The following ADAMTS12 variants were observed in gnomAD, a reference collection of about 807,000 sequenced individuals.
The protein encoded by ADAMTS12 is A disintegrin and metalloproteinase with thrombospondin motifs 12.
In ADAMTS12, 118 loss-of-function variants were observed where a neutral mutation model predicts 167.8. The ratio of observed to expected loss-of-function variants is 0.70; its 90% CI spans 0.61 to 0.82. ADAMTS12 has a LOEUF of 0.82. ADAMTS12 is among the 40% of genes least tolerant of loss of function. ADAMTS12 has a pLI of 0.00. For synonymous variants in ADAMTS12, 704 were observed against 716.9 expected, an observed-to-expected ratio of 0.98 and a Z score of 0.29; for missense variants, 1,916 against 1,998.8, an observed-to-expected ratio of 0.96 and a Z score of 0.79.
At chr5:33,792,067 G>A (rs1971180) in intron 2 of ADAMTS12, among the ~76,000 whole-genome samples, 18,642 of 145,858 alleles carry the variant, frequency 0.13, 1,526 homozygotes, top group East Asian at 0.4. Context: ...GCACGATCTC[G>A]GCTCACTGCA....
chr5:33,765,507 C>T (rs1478575523), intron 2 of ADAMTS12, among the ~76,000 whole-genome samples: 3 of 152,140 alleles, frequency 2.0e-5, no homozygotes, highest in Non-Finnish European at 2.9e-5. Context: ...TTACTTCAAG[C>T]ACATTAAAAA....
rs1195671717 is a variant in ADAMTS12 at position 33,668,676 on chromosome 5, G to A, written c.916-6636C>T. Among the ~76,000 whole-genome samples, 3 of 152,274 alleles carry A rather than the reference G, an allele frequency of 2.0e-5. No homozygotes were observed. In the East Asian group the frequency reaches 5.8e-4, roughly 29 times the overall value. The stretch of plus-strand genomic sequence containing the variant: ...TTTTCTATTTTTCGGTAGAGACGGG[G>A]TTTCACCATGTTGGCCAGGCTGATC... On this transcript the variant is annotated intron_variant, in intron 5 of 23. Transcript: ENST00000504830.
intron 5 of ADAMTS12, among the ~76,000 whole-genome samples, chr5:33,667,825 G>A (rs918181805): frequency 3.3e-5 from 5 of 152,184 alleles, no homozygotes; most frequent in Admixed American, 2.6e-4. Flanking sequence ...AAGTCATTCT[G>A]TATTAATTAG....
At chr5:33,551,648 CT>C (rs1460688282) in intron 20 of ADAMTS12, among the ~76,000 whole-genome samples, 1 of 152,136 alleles carries the variant, frequency 6.6e-6, no homozygotes, top group Non-Finnish European at 1.5e-5. Flanking sequence ...TTGCTATAAT[CT>C]GTTATTCCTA....
chr5:33,561,271 C>T (rs1224937505), intron 19 of ADAMTS12, 92 bp from the exon 20 acceptor site: 40 of 1,477,098 alleles, frequency 2.7e-5, no homozygotes, highest in East Asian at 2.6e-4. Context: ...TTCTCAGTCC[C>T]GTTTGCTAAC....
intron 2 of ADAMTS12, among the ~76,000 whole-genome samples, chr5:33,858,110 A>G (rs1262713408): frequency 6.6e-6 from 1 of 152,258 alleles, no homozygotes; most frequent in African/African-American, 2.4e-5. Context: ...ACTTAAAAGA[A>G]TTGAAATAAT....
At chr5:33,550,409 A>T (rs573150348) in intron 20 of ADAMTS12, among the ~76,000 whole-genome samples, 103 of 152,254 alleles carry the variant, frequency 6.8e-4, no homozygotes, top group Non-Finnish European at 9.6e-4. Flanking sequence ...TCATGGCCAG[A>T]CCTGGCCTGA....
chr5:33,630,849 A>C lies in ADAMTS12; in HGVS notation c.1953T>G (p.Ala651=). The change falls in exon 13 of 24, where the codon GCT becomes GCG. Residue 651 remains alanine, a synonymous_variant. Transcript: ENST00000504830. ...CAAAGCAAGGGGTACCATCAATGAC[A>C]GCATCCAGCATTTTCTCAGAAAACT... ...DGQFSEKMLD[A]VIDGTPCFEG... 1 of 1,613,732 alleles carries C rather than the reference A, an allele frequency of 6.2e-7. No homozygotes were observed. Among genetic ancestry groups the C allele is most frequent in the Non-Finnish European group, 8.5e-7 (1 of 1,179,724 alleles).
At chr5:33,864,361 G>C (rs1749730131) in intron 2 of ADAMTS12, among the ~76,000 whole-genome samples, 1 of 152,200 alleles carries the variant, frequency 6.6e-6, no homozygotes, top group Admixed American at 6.5e-5. Context: ...AGGATGTAGA[G>C]AAATAGGAAT....
At chr5:33,891,642 C>T (rs1333005900) in intron 1 of ADAMTS12, 88 bp downstream of exon 1, 16 of 1,583,084 alleles carry the variant, frequency 1.0e-5, no homozygotes, top group Non-Finnish European at 1.3e-5. Context: ...TTCAGTTCTG[C>T]CGGGTGGGGG....
chr5:33,820,598 T>A (rs1044150366), intron 2 of ADAMTS12, among the ~76,000 whole-genome samples: 1 of 151,896 alleles, frequency 6.6e-6, no homozygotes, highest in African/African-American at 2.4e-5. Context: ...GATTATGGAG[T>A]TGGGTTTTTT....
intron 3 of ADAMTS12, among the ~76,000 whole-genome samples, chr5:33,695,123 C>A (rs990080931): frequency 1.3e-5 from 2 of 152,172 alleles, no homozygotes; most frequent in African/African-American, 4.8e-5. Flanking sequence ...ATTCTGTTTT[C>A]TTCAATCCTA....
intron 15 of ADAMTS12, among the ~76,000 whole-genome samples, chr5:33,615,381 G>T (rs1738948766): frequency 6.6e-6 from 1 of 152,170 alleles, no homozygotes; most frequent in South Asian, 2.1e-4. Flanking sequence ...CAATATGAAA[G>T]ATAAATTTCT....
chr5:33,666,743 A>G (rs10472878), intron 5 of ADAMTS12, among the ~76,000 whole-genome samples: 51,017 of 151,950 alleles, frequency 0.34, 8,908 homozygotes, highest in African/African-American at 0.45. Context: ...TGCCTGCCTC[A>G]GCCTCCCAAA....
rs1471441463 is a variant in ADAMTS12 at position 33,577,079 on chromosome 5, T to C, written c.2947A>G (p.Arg983Gly). 1.9e-6 allele frequency: 3 copies of C among 1,614,190 alleles called. No individual in the cohort carries two copies. The highest frequency in any genetic ancestry group is 1.1e-5 in the South Asian group (1 of 91,082). Residue 983 changes from arginine to glycine, a missense_variant, in exon 19 of 24, where the codon AGG (arginine) becomes GGG (glycine). Transcript: ENST00000504830. ...KNHDEPCDVT[R>G]KPNSRALCGL... Reference sequence around the variant, plus strand: ...CACAGAGCTCGGCTGTTGGGTTTCCTTGTCACATCGCAAGGTTCATCATGG... The same window carrying C: ...CACAGAGCTCGGCTGTTGGGTTTCCCTGTCACATCGCAAGGTTCATCATGG...
chr5:33,825,775 G>C (rs1485299498), intron 2 of ADAMTS12, among the ~76,000 whole-genome samples: 6 of 152,180 alleles, frequency 3.9e-5, no homozygotes, highest in African/African-American at 1.4e-4. Flanking sequence ...GGAAGTGGGA[G>C]AGAAAGTAAG....
chr5:33,626,587 A>G lies in ADAMTS12; in HGVS notation c.2023-2236T>C, dbSNP rs1382514259. ...GGTGATGTGATGGTGGTGGTGATTT[A>G]ATGGTAATGATGGTGGTGGTGGTGG... On this transcript the variant is annotated intron_variant, in intron 13 of 23. Coordinates refer to ENST00000504830, the MANE Select transcript of ADAMTS12 (RefSeq NM_030955.4). Among the ~76,000 whole-genome samples, 13 of 118,722 alleles carry G rather than the reference A, an allele frequency of 1.1e-4. No individual in the cohort carries two copies. The South Asian group carries it at 3.7e-3, about 34-fold the overall frequency. The allele number at this position is 118,722 out of a possible 152,430, so 77.9% of individuals were successfully genotyped here. A position where few individuals can be genotyped will look rare whatever the true frequency, so the allele number is the denominator to read the frequency against.
At chr5:33,858,390 C>A (rs988713604) in intron 2 of ADAMTS12, among the ~76,000 whole-genome samples, 36 of 152,358 alleles carry the variant, frequency 2.4e-4, no homozygotes, top group African/African-American at 7.7e-4. Context: ...GGTGTGCTGG[C>A]TCACGCCTAT....
intron 2 of ADAMTS12, among the ~76,000 whole-genome samples, chr5:33,753,613 C>T (rs1041777975): frequency 2.0e-5 from 3 of 152,124 alleles, no homozygotes; most frequent in Non-Finnish European, 4.4e-5. Flanking sequence ...CTACAAAAGA[C>T]ACCACCAAGA....
Sources: allele counts gnomAD v4.1 joint callset (sites outside exome capture counted in the v4.1 genomes callset), GRCh38; gene constraint gnomAD v4.1.1; transcripts MANE v1.5; gene names NCBI Gene and HGNC (gene_info 2026-07-23, HGNC 2026-07-21).